The following ATXN7 variants were observed in gnomAD, a reference collection of about 807,000 sequenced individuals.
The protein encoded by ATXN7 is ataxin-7.
A neutral mutation model predicts 70.5 loss-of-function variants in ATXN7; 12 were observed. The observed-to-expected ratio is 0.17, with a 90% confidence interval of 0.11 to 0.28. The LOEUF (loss-of-function observed/expected upper bound fraction) is 0.28, where lower values mean the gene tolerates loss of function less well. ATXN7 is among the 10% of genes least tolerant of loss of function. The pLI, the probability that ATXN7 is intolerant of heterozygous loss-of-function variation, is 1.00. For missense variants in ATXN7, 1,256 were observed against 1,131.7 expected (o/e 1.11, Z -1.58); for synonymous variants, 498 against 448.7 (o/e 1.11, Z -1.39).
At chr3:63,975,042 G>A (rs1166027452) in intron 5 of ATXN7, among the ~76,000 whole-genome samples, 2 of 152,122 alleles carry the variant, frequency 1.3e-5, no homozygotes, top group African/African-American at 4.8e-5. Flanking sequence ...AGTTTTCTGT[G>A]TTCACCTAGT....
At chr3:63,888,469 A>G (rs894410255) in intron 1 of ATXN7, among the ~76,000 whole-genome samples, 2 of 152,200 alleles carry the variant, frequency 1.3e-5, no homozygotes, top group Non-Finnish European at 2.9e-5. Context: ...ATCAAGATAT[A>G]GAACTATTCT....
intron 1 of ATXN7, among the ~76,000 whole-genome samples, chr3:63,887,566 T>A (rs1703127503): frequency 6.6e-6 from 1 of 152,084 alleles, no homozygotes; most frequent in East Asian, 1.9e-4. Flanking sequence ...GTTAGATGGA[T>A]CTCTGTTTTA....
Position 63,868,952 on chromosome 3 carries a change from G to A in ATXN7, c.-111+4794G>A, listed in dbSNP as rs539464782. Among the ~76,000 whole-genome samples, 10 of 152,244 alleles carry A rather than the reference G, an allele frequency of 6.6e-5. No individual in the cohort carries two copies. The South Asian group carries it at 1.9e-3, about 28-fold the overall frequency. ...CAGTTGGGTACCTGTGTTGATTTTT[G>A]TCAATAGGAAAGGGTCTGGCAGGAC... On this transcript the variant is annotated intron_variant, in intron 1 of 12. Transcript: ENST00000674280.
At chr3:63,865,894 CAAAA>C (rs34205947) in intron 1 of ATXN7, among the ~76,000 whole-genome samples, 202 of 16,454 alleles carry the variant, frequency 0.012, no homozygotes, top group Non-Finnish European at 0.02. Context: ...GACTCCATCT[CAAAA>C]AAAAAAAAAA....
At chr3:63,917,565 C>G (rs1302124332) in intron 4 of ATXN7, among the ~76,000 whole-genome samples, 1 of 152,164 alleles carries the variant, frequency 6.6e-6, no homozygotes, top group African/African-American at 2.4e-5. Context: ...CTTTGGGAAG[C>G]TGTCCATAAC....
chr3:63,907,456 C>CTTT (rs946462374), intron 2 of ATXN7, among the ~76,000 whole-genome samples: 47 of 116,622 alleles, frequency 4.0e-4, no homozygotes, highest in South Asian at 5.7e-4. Context: ...CATTCCTTGT[C>CTTT]TTTTTTTTTT....
rs1393961434 is a variant in ATXN7 at position 63,986,163 on chromosome 3, T to C, written c.1096-1896T>C. On this transcript the variant is annotated intron_variant, in intron 8 of 12. Coordinates refer to ENST00000674280, the MANE Select transcript of ATXN7 (RefSeq NM_001377405.1). ...GGCTCTGTGACAGGGGCAGAGCAAA[T>C]TCCTTAGAACCTTAAAGCCAGCCAG... is the stretch of plus-strand genomic sequence containing the variant. Among the ~76,000 whole-genome samples the C allele has an allele frequency of 2.0e-5, 3 of 152,202 alleles. No homozygotes were observed. In the East Asian group the frequency reaches 5.8e-4, roughly 30 times the overall value.
chr3:63,926,109 G>A (rs1230085641), intron 4 of ATXN7, among the ~76,000 whole-genome samples: 1 of 152,158 alleles, frequency 6.6e-6, no homozygotes, highest in African/African-American at 2.4e-5. Context: ...AAAATGAATT[G>A]TTTCTCCCCG....
At chr3:63,905,444 C>T (rs1476435528) in intron 2 of ATXN7, 3 of 152,174 alleles carry the variant, frequency 2.0e-5, no homozygotes, top group East Asian at 1.9e-4. Context: ...CTCCTGACCT[C>T]GTGATCTGCC....
intron 5 of ATXN7, chr3:63,968,080 C>A: frequency 1.1e-6 from 1 of 917,954 alleles, no homozygotes; most frequent in Non-Finnish European, 1.7e-6. Context: ...TACATAGAAC[C>A]AAGCAGATTT....
In ATXN7 at chr3:63,916,493, C is replaced by G. The variant is rs116143753; in HGVS notation, c.394+3268C>G. On this transcript the variant is annotated intron_variant, in intron 4 of 12. Coordinates refer to ENST00000674280, the MANE Select transcript of ATXN7 (RefSeq NM_001377405.1). ...GCCTGTTTTTTCTTTTCACTTTTTC[C>G]TCTTGTAACACATTACTTTGACCAA... 3.6e-3 allele frequency among the ~76,000 whole-genome samples: 549 copies of G among 152,312 alleles called. 2 individuals carry two copies. The highest frequency in any genetic ancestry group is 0.013 in the African/African-American group (522 of 41,570).
At position 63,988,254 on chromosome 3, in the gene ATXN7, G is replaced by A. The variant is rs776062582; in HGVS notation, c.1291G>A (p.Gly431Arg). Residue 431 changes from glycine (G) to arginine (R), a missense_variant, in exon 9 of 13, where the codon GGA (glycine) becomes AGA (arginine). Physicochemically the swap from Gly to Arg is moderately radical, Grantham distance 125 (BLOSUM62 -2). Transcript: ENST00000674280. ...TSQEPHQNPHGVIPSESKPFV... is the reference protein window; with the variant it reads ...TSQEPHQNPHRVIPSESKPFV... ...ACAGGAGCCGCACCAAAACCCTCAC[G>A]GAGTGATTCCTTCCGAATCAAAGCC... is the stretch of plus-strand genomic sequence containing the variant. 9.3e-6 allele frequency: 15 copies of A among 1,613,896 alleles called. No individual in the cohort carries two copies. The highest frequency in any genetic ancestry group is 4.0e-5 in the African/African-American group (3 of 74,872).
intron 1 of ATXN7, chr3:63,865,020 A>G (rs1299730113): frequency 6.6e-6 from 1 of 152,188 alleles, no homozygotes; most frequent in South Asian, 2.1e-4. Context: ...TTATTCAGCC[A>G]TACCGTTGTT....
chr3:63,956,772 A>G (rs1432559555), intron 5 of ATXN7, among the ~76,000 whole-genome samples: 4 of 152,180 alleles, frequency 2.6e-5, no homozygotes, highest in Admixed American at 1.3e-4. Context: ...GTGCTCAGAG[A>G]TTCGTTGAGC....
intron 4 of ATXN7, among the ~76,000 whole-genome samples, chr3:63,934,076 A>G (rs763182151): frequency 2.9e-4 from 44 of 152,302 alleles, no homozygotes; most frequent in Admixed American, 1.1e-3. Context: ...AGAATCATCA[A>G]TTGGCCTAAC....
At position 63,996,487 on chromosome 3, in the gene ATXN7, G is replaced by A. The variant is rs771608458; in HGVS notation, c.2661+4G>A. The A allele has an allele frequency of 1.2e-6, 2 of 1,613,260 alleles. No homozygotes were observed. The highest frequency in any genetic ancestry group is 1.7e-6 in the Non-Finnish European group (2 of 1,179,420). ...GAACAGTTCCCTCCTTCATCAGGTA[G>A]GAAATGGACTGTGAGCCCCATGGGA... On this transcript the variant is annotated splice_donor_region_variant and intron_variant, in intron 12 of 12. Transcript: ENST00000674280.
chr3:63,929,514 G>T (rs189377489), intron 4 of ATXN7, among the ~76,000 whole-genome samples: 10 of 152,076 alleles, frequency 6.6e-5, no homozygotes, highest in Non-Finnish European at 8.8e-5. Flanking sequence ...CTCGTGATGC[G>T]CCTGCCTCTG....
chr3:63,864,151 G>GCCGCCAGGTGAGC lies in ATXN7; in HGVS notation c.-117_-111+6dup, dbSNP rs1299657523. Among the ~76,000 whole-genome samples the GCCGCCAGGTGAGC allele has an allele frequency of 1.3e-5, 2 of 149,422 alleles. No individual in the cohort carries two copies. Among genetic ancestry groups the GCCGCCAGGTGAGC allele is most frequent in the African/African-American group, 4.9e-5 (2 of 40,984 alleles). Reference sequence around the variant, plus strand: ...GAGGCCGCCCCGGAGGCCGCAGCCAGCCGCCAGGTGAGCTCGCCCGGACGC... The same window carrying GCCGCCAGGTGAGC: ...GAGGCCGCCCCGGAGGCCGCAGCCAGCCGCCAGGTGAGCCCGCCAGGTGAGCTCGCCCGGACGC... On this transcript the variant is annotated 5_prime_UTR_variant, in exon 1 of 13. It introduces an in-frame stop codon into an upstream open reading frame of the 5' UTR. Coordinates refer to ENST00000674280, the MANE Select transcript of ATXN7 (RefSeq NM_001377405.1).
At chr3:63,941,760 G>T (rs1471973991) in intron 4 of ATXN7, among the ~76,000 whole-genome samples, 3 of 152,064 alleles carry the variant, frequency 2.0e-5, no homozygotes, top group African/African-American at 7.2e-5. Flanking sequence ...GGGAAATCCA[G>T]TTATCTTTAA....
Sources: allele counts gnomAD v4.1 joint callset (sites outside exome capture counted in the v4.1 genomes callset), GRCh38; gene constraint gnomAD v4.1.1; transcripts MANE v1.5; gene names NCBI Gene and HGNC (gene_info 2026-07-23, HGNC 2026-07-21).